The following TOLLIP variants were observed in gnomAD, a reference collection of about 807,000 sequenced individuals.
TOLLIP encodes toll interacting protein, also known as toll-interacting protein.
TOLLIP carries 16 observed loss-of-function variants against 33.5 expected under a neutral mutation model. The observed-to-expected ratio is 0.48, with a 90% CI of 0.32 to 0.72. The LOEUF is 0.72. Ranked by LOEUF, TOLLIP falls within the 30% of genes least tolerant of loss-of-function variation. TOLLIP has a pLI of 0.03. For synonymous variants in TOLLIP, 176 were observed against 163.7 expected, an observed-to-expected ratio of 1.07 and a Z score of -0.57; for missense variants, 325 against 396.6, an observed-to-expected ratio of 0.82 and a Z score of 1.53.
In TOLLIP at chr11:1,277,070, T is replaced by C. The variant is rs1171034378; in HGVS notation, c.794A>G (p.Asn265Ser). 3.1e-6 allele frequency: 5 copies of C among 1,613,574 alleles called. No individual in the cohort carries two copies. The highest frequency in any genetic ancestry group is 3.4e-6 in the Non-Finnish European group (4 of 1,179,922). ...CTCCTCCCCCATCTGCAGCAGGGAGTTGATGGCGGCATCCTTGTTCCCTCG... is the reference window on the plus strand; with the variant it reads ...CTCCTCCCCCATCTGCAGCAGGGAGCTGATGGCGGCATCCTTGTTCCCTCG... ...AQRGNKDAAINSLLQMGEEP is the reference protein window; with the variant it reads ...AQRGNKDAAISSLLQMGEEP Residue 265 changes from asparagine (N) to serine (S), a missense_variant, in exon 6 of 6, where the codon AAC (asparagine) becomes AGC (serine). Physicochemically the swap from Asn to Ser is conservative, Grantham distance 46 (BLOSUM62 1). Transcript: ENST00000317204. The surrounding 1 kb of genome is among the most constrained non-coding windows in gnomAD (Gnocchi z 4.2).
chr11:1,302,683 A>C (rs1015787218), intron 1 of TOLLIP: 1 of 986,656 alleles, frequency 1.0e-6, no homozygotes, highest in Non-Finnish European at 1.2e-6. Flanking sequence ...CCTCGGCCTC[A>C]TGCTCCACGC....
rs1864339549 is a variant in TOLLIP at position 1,303,408 on chromosome 11, G to A, written c.33+6058C>T. Among the ~76,000 whole-genome samples the A allele has an allele frequency of 1.3e-5, 2 of 152,184 alleles. No individual in the cohort carries two copies. Among genetic ancestry groups the A allele is most frequent in the South Asian group, 2.1e-4 (1 of 4,836 alleles). On this transcript the variant is annotated intron_variant, in intron 1 of 5. Coordinates refer to ENST00000317204, the MANE Select transcript of TOLLIP (RefSeq NM_019009.4). The surrounding 1 kb of genome is among the most constrained non-coding windows in gnomAD (Gnocchi z 4.2). The stretch of plus-strand genomic sequence containing the variant: ...GGGCGCGCGCTGCGGCAGCCTCTGC[G>A]TGTCACTGTGTGCCTGAGGCTTCCA...
intron 3 of TOLLIP, among the ~76,000 whole-genome samples, chr11:1,289,320 G>A (rs537540709): frequency 9.8e-5 from 15 of 152,318 alleles, no homozygotes; most frequent in East Asian, 1.9e-4. Context: ...AGGGCTGGCC[G>A]TCTGCTGGCC....
chr11:1,302,921 G>C, intron 1 of TOLLIP: 4 of 318,122 alleles, frequency 1.3e-5, no homozygotes, highest in Non-Finnish European at 1.8e-5. Context: ...GCCTTCCTCA[G>C]ACAGGGCTTT....
intron 2 of TOLLIP, among the ~76,000 whole-genome samples, chr11:1,291,444 G>GC (rs1162801264): frequency 7.5e-6 from 1 of 133,234 alleles, no homozygotes; most frequent in Non-Finnish European, 1.6e-5. Context: ...TCCAGACACT[G>GC]CCCCCCGACC....
chr11:1,309,099 C>T (rs1325495574), intron 1 of TOLLIP, among the ~76,000 whole-genome samples: 6 of 151,816 alleles, frequency 4.0e-5, no homozygotes, highest in Admixed American at 6.6e-5. Flanking sequence ...GGCACCGGGC[C>T]CTCCTCCATC....
chr11:1,292,966 C>T (rs991308127), intron 2 of TOLLIP, among the ~76,000 whole-genome samples: 5 of 152,224 alleles, frequency 3.3e-5, no homozygotes, highest in African/African-American at 1.2e-4. Context: ...CTGGAGCAGG[C>T]TCGGCAGGAC....
chr11:1,276,424 G>T lies in TOLLIP; in HGVS notation c.*615C>A. ...CAGGTGTGGGTTCATTCTGCCTTCA[G>T]GCCGGAGTCTGTCACAAGGCTGGCT... On this transcript the variant is annotated 3_prime_UTR_variant, in exon 6 of 6. Coordinates refer to ENST00000317204, the MANE Select transcript of TOLLIP (RefSeq NM_019009.4). 3.3e-6 allele frequency: 1 copy of T among 300,044 alleles called. No individual in the cohort carries two copies. Among genetic ancestry groups the T allele is most frequent in the South Asian group, 3.0e-5 (1 of 33,718 alleles). 18.6% of individuals were successfully genotyped at this position (300,044 alleles called of 1,614,324 possible). A position where few individuals can be genotyped will look rare whatever the true frequency, so the allele number is the denominator to read the frequency against.
chr11:1,276,170 C>G lies in TOLLIP; in HGVS notation c.*869G>C, dbSNP rs1449549682. 1 of 153,222 alleles carries G rather than the reference C, an allele frequency of 6.5e-6. No homozygotes were observed. The allele number at this position is 153,222 out of a possible 1,614,324, so 9.5% of individuals were successfully genotyped here. A position where few individuals can be genotyped will look rare whatever the true frequency, so the allele number is the denominator to read the frequency against. On this transcript the variant is annotated 3_prime_UTR_variant, in exon 6 of 6. Transcript: ENST00000317204. ...TGTCAGCAGTCGGCTGGCAGTGCCA[C>G]CACACCCTCTCGGAATCATGCACAG...
chr11:1,280,823 C>A lies in TOLLIP; in HGVS notation c.611-3570G>T. On this transcript the variant is annotated intron_variant, in intron 5 of 5. Coordinates refer to ENST00000317204, the MANE Select transcript of TOLLIP (RefSeq NM_019009.4). ...CAGCGCCTGTCAGTCTCGTGGGGAC[C>A]CTCAGGGCAGACCCCTGGCAGTGGC... Among the ~76,000 whole-genome samples the A allele has an allele frequency of 1.3e-5, 2 of 152,146 alleles. 1 individual carries two copies. Among genetic ancestry groups the A allele is most frequent in the East Asian group, 3.9e-4 (2 of 5,172 alleles).
chr11:1,277,134 T>C lies in TOLLIP; in HGVS notation c.730A>G (p.Met244Val), dbSNP rs1395008310. ...ACGGAGCGGATCACCTCCTGGTCCA[T>C]GTTGGGGAACATGTCCTGGATGGCT... is the stretch of plus-strand genomic sequence containing the variant. The part of the protein sequence containing the change: ...LKAIQDMFPN[M>V]DQEVIRSVLE... Residue 244 changes from methionine to valine, a missense_variant, in exon 6 of 6, where the codon ATG (methionine) becomes GTG (valine). Physicochemically the swap from Met to Val is conservative, Grantham distance 21. Transcript: ENST00000317204. This position sits in a 1 kb window ranked among gnomAD's most constrained non-coding sequence, Gnocchi z 4.2. The C allele has an allele frequency of 4.3e-6, 7 of 1,613,918 alleles. No individual in the cohort carries two copies. The East Asian group carries it at 1.3e-4, about 31-fold the overall frequency.
In TOLLIP at chr11:1,277,182, G is replaced by A. The variant is rs144425237; in HGVS notation, c.682C>T (p.Arg228Cys). Residue 228 changes from arginine (R) to cysteine (C), a missense_variant, in exon 6 of 6, where the codon CGC becomes TGC. By Grantham distance (180) the Arg-to-Cys change is radical. Transcript: ENST00000317204. This position sits in a 1 kb window ranked among gnomAD's most constrained non-coding sequence, Gnocchi z 4.2. ...GCTTTCAGGTCCTCCTCGCTACAGC[G>A]GGGCTGGGCGTTCACGGCGGCCGGG... ...LPPAAVNAQP[R>C]CSEEDLKAIQ... is the part of the protein sequence containing the mutation. 316 of 1,606,202 alleles carry A rather than the reference G, an allele frequency of 2.0e-4. 3 individuals are homozygous for A. In the Middle Eastern group the frequency reaches 3.3e-3, roughly 17 times the overall value.
chr11:1,289,905 C>T (rs549769561), intron 3 of TOLLIP, among the ~76,000 whole-genome samples: 15 of 142,578 alleles, frequency 1.1e-4, no homozygotes, highest in Middle Eastern at 4.3e-3. Context: ...GACACGTGCA[C>T]GCTCTGTCCC....
intron 5 of TOLLIP, among the ~76,000 whole-genome samples, chr11:1,282,855 G>A (rs893007791): frequency 6.7e-6 from 1 of 150,052 alleles, no homozygotes; most frequent in African/African-American, 2.4e-5. Flanking sequence ...GTTAATGGGT[G>A]CAGCACACCA....
chr11:1,307,431 G>A (rs1008299173), intron 1 of TOLLIP, among the ~76,000 whole-genome samples: 2 of 152,202 alleles, frequency 1.3e-5, no homozygotes, highest in South Asian at 4.1e-4. Flanking sequence ...AGCGCTGCAC[G>A]CCGGTGCCCC....
chr11:1,285,105 A>G (rs182272730), intron 5 of TOLLIP, among the ~76,000 whole-genome samples: 17 of 151,884 alleles, frequency 1.1e-4, no homozygotes, highest in Non-Finnish European at 2.5e-4. Context: ...CCCTGAGCAC[A>G]AGCAGCCGGG....
At chr11:1,298,201 A>G (rs1864167013) in intron 1 of TOLLIP, 1 of 152,312 alleles carries the variant, frequency 6.6e-6, no homozygotes, top group Admixed American at 6.5e-5. Flanking sequence ...CCACATGCAC[A>G]GCTCTGAGGA....
intron 5 of TOLLIP, 130 bp downstream of exon 5, chr11:1,285,872 C>G: frequency 1.7e-6 from 1 of 600,284 alleles, no homozygotes; most frequent in South Asian, 2.4e-5. Context: ...GCGGTCAGCA[C>G]GTCTACAGGA....
intron 5 of TOLLIP, among the ~76,000 whole-genome samples, chr11:1,285,608 T>C (rs569964981): frequency 6.6e-6 from 1 of 152,160 alleles, no homozygotes; most frequent in East Asian, 1.9e-4. Flanking sequence ...AGGGCACGCG[T>C]CACCCAATGG....
Sources: allele counts gnomAD v4.1 joint callset (sites outside exome capture counted in the v4.1 genomes callset), GRCh38; gene constraint gnomAD v4.1.1; non-coding constraint Gnocchi (gnomAD v3.1); transcripts MANE v1.5; gene names NCBI Gene and HGNC (gene_info 2026-07-23, HGNC 2026-07-21).